NIPAL3: variants seen among roughly 807,000 people sequenced by gnomAD.
The protein encoded by NIPAL3 is NIPA-like protein 3.
NIPAL3 carries 41 observed loss-of-function variants against 47.2 expected under a neutral mutation model. That is an observed-to-expected ratio of 0.87 (90% confidence interval 0.68 to 1.13). The LOEUF is 1.13. NIPAL3 is among the 50% of genes most tolerant of loss of function. The pLI, the probability that NIPAL3 is intolerant of heterozygous loss-of-function variation, is 0.00. For missense variants in NIPAL3, 449 were observed against 530.1 expected (o/e 0.85, Z 1.50); for synonymous variants, 194 against 209.6 (o/e 0.93, Z 0.64).
chr1:24,459,130 G>A lies in NIPAL3; in HGVS notation c.862+154G>A, dbSNP rs192229757. On this transcript the variant is annotated intron_variant, in intron 9 of 11. Transcript: ENST00000374399. ...GCAGGATTTCCAGACAGAGAGACCC[G>A]GGTTTGTATCCCAGCACAGACGCAC... Among the ~76,000 whole-genome samples the A allele has an allele frequency of 1.5e-3, 221 of 152,250 alleles. 1 individual carries two copies. The highest frequency in any genetic ancestry group is 5.0e-3 in the African/African-American group (209 of 41,542).
At chr1:24,420,573 T>G (rs761041055) in intron 2 of NIPAL3, among the ~76,000 whole-genome samples, 6 of 152,232 alleles carry the variant, frequency 3.9e-5, no homozygotes, top group African/African-American at 7.2e-5. Context: ...GAGATAATTT[T>G]CATTCGGATT....
In NIPAL3 at chr1:24,419,603, G is replaced by C. The variant is rs1217266571; in HGVS notation, c.56G>C (p.Ser19Thr). ...CTGCAGCAGCTGCCTCCCACAAGTA[G>C]CTCCAGCGCCGTAAGCGAGGCCTCC... ...LKLQQLPPTSSSSAVSEASFS... is the reference protein window; with the variant it reads ...LKLQQLPPTSTSSAVSEASFS... Residue 19 changes from serine (S) to threonine (T), a missense_variant, in exon 2 of 12, where the codon AGC becomes ACC. By Grantham distance (58) the Ser-to-Thr change is moderately conservative. Transcript: ENST00000374399. 1 of 1,614,102 alleles carries C rather than the reference G, an allele frequency of 6.2e-7. No homozygotes were observed. Among genetic ancestry groups the C allele is most frequent in the Non-Finnish European group, 8.5e-7 (1 of 1,180,000 alleles).
At chr1:24,417,027 ACCT>A (rs1169198132) in intron 1 of NIPAL3, 1 of 152,062 alleles carries the variant, frequency 6.6e-6, no homozygotes, top group Non-Finnish European at 1.5e-5. Flanking sequence ...GCTTTCTCTG[ACCT>A]CCTGTGGGTG....
chr1:24,446,916 C>T (rs1645696803), intron 5 of NIPAL3, among the ~76,000 whole-genome samples: 1 of 152,150 alleles, frequency 6.6e-6, no homozygotes, highest in Non-Finnish European at 1.5e-5. Context: ...CCAGGTGATA[C>T]TAAGGAGATT....
Position 24,419,489 on chromosome 1 carries a change from C to A in NIPAL3, c.-59C>A. On this transcript the variant is annotated 5_prime_UTR_variant, in exon 2 of 12. Coordinates refer to ENST00000374399, the MANE Select transcript of NIPAL3 (RefSeq NM_020448.5). ...GAGAGATGGCATCTGGCCTGGGCCC[C>A]GCCTAGCAGCAGCTCCACCTCCTAG... 14 of 1,504,278 alleles carry A rather than the reference C, an allele frequency of 9.3e-6. No homozygotes were observed. Among genetic ancestry groups the A allele is most frequent in the Non-Finnish European group, 1.2e-5 (14 of 1,123,242 alleles). The allele number at this position is 1,504,278 out of a possible 1,614,324, so 93.2% of individuals were successfully genotyped here.
chr1:24,445,796 T>C (rs952513024), intron 5 of NIPAL3, among the ~76,000 whole-genome samples: 3 of 152,086 alleles, frequency 2.0e-5, no homozygotes, highest in Non-Finnish European at 4.4e-5. Flanking sequence ...TTGCCTCACA[T>C]AGTTTGGGCC....
upstream of NIPAL3, chr1:24,415,773 G>T (rs6666172): frequency 5.4e-3 from 5,035 of 933,956 alleles, 195 homozygotes; most frequent in African/African-American, 0.082. Context: ...ACCTTTGAAA[G>T]CAAAACACTG....
chr1:24,457,057 T>C (rs921364187), intron 8 of NIPAL3, among the ~76,000 whole-genome samples: 3 of 152,154 alleles, frequency 2.0e-5, no homozygotes, highest in African/African-American at 7.2e-5. Context: ...CCACAACACC[T>C]GGCCAGAATG....
In NIPAL3 at chr1:24,443,173, C is replaced by A. The variant is rs1469955699; in HGVS notation, c.334+947C>A. 8.5e-5 allele frequency among the ~76,000 whole-genome samples: 13 copies of A among 152,066 alleles called. No homozygotes were observed. In the East Asian group the frequency reaches 2.3e-3, roughly 27 times the overall value. ...AACCAGTGTTTCAGAACATTTGAACCAACTAAAAGACAAGGGAGCTTTAAT... is the reference window on the plus strand; with the variant it reads ...AACCAGTGTTTCAGAACATTTGAACAAACTAAAAGACAAGGGAGCTTTAAT... On this transcript the variant is annotated intron_variant, in intron 4 of 11. Coordinates refer to ENST00000374399, the MANE Select transcript of NIPAL3 (RefSeq NM_020448.5).
At chr1:24,438,269 A>C (rs1252511772) in intron 2 of NIPAL3, among the ~76,000 whole-genome samples, 1 of 152,230 alleles carries the variant, frequency 6.6e-6, no homozygotes, top group Non-Finnish European at 1.5e-5. Flanking sequence ...AGTCAGAATC[A>C]GTTCCCAGCT....
chr1:24,427,818 A>G (rs1170333621), intron 2 of NIPAL3, among the ~76,000 whole-genome samples: 3 of 152,192 alleles, frequency 2.0e-5, no homozygotes, highest in Non-Finnish European at 2.9e-5. Context: ...TCAGAAAACC[A>G]TACCTGAAAA....
At chr1:24,459,863 G>T (rs1646390233) in intron 9 of NIPAL3, among the ~76,000 whole-genome samples, 2 of 152,218 alleles carry the variant, frequency 1.3e-5, no homozygotes, top group Admixed American at 1.3e-4. Context: ...AGAAGTCAAG[G>T]CAGGGAATCA....
intron 2 of NIPAL3, among the ~76,000 whole-genome samples, chr1:24,439,480 CATT>C (rs1206745384): frequency 5.9e-5 from 9 of 152,014 alleles, no homozygotes; most frequent in African/African-American, 2.2e-4. Context: ...TGTTTATAGT[CATT>C]ATCTCTGGGT....
intron 2 of NIPAL3, among the ~76,000 whole-genome samples, chr1:24,431,332 C>T (rs562482268): frequency 2.0e-5 from 3 of 152,038 alleles, no homozygotes; most frequent in African/African-American, 4.8e-5. Flanking sequence ...TTTGATCAAA[C>T]GGGAAAAAAC....
intron 8 of NIPAL3, among the ~76,000 whole-genome samples, chr1:24,458,578 G>C (rs1042819527): frequency 1.3e-5 from 2 of 151,938 alleles, no homozygotes; most frequent in Admixed American, 6.6e-5. Context: ...GTGGGGATAC[G>C]GGGGGTGAGG....
Position 24,416,827 on chromosome 1 carries a change from C to T in NIPAL3, c.-258+923C>T, listed in dbSNP as rs1368415868. 1.3e-5 allele frequency: 2 copies of T among 152,226 alleles called. No homozygotes were observed. The highest frequency in any genetic ancestry group is 6.5e-5 in the Admixed American group (1 of 15,278). 9.4% of individuals were successfully genotyped at this position (152,226 alleles called of 1,614,324 possible). ...GAGCCTTCAATCTTTGCAGGCGATG[C>T]TTCAGAGGCCTGCGAGTTCCTGAGG... On this transcript the variant is annotated intron_variant, in intron 1 of 11. Transcript: ENST00000374399. This position sits in a 1 kb window ranked among gnomAD's most constrained non-coding sequence, Gnocchi z 4.8.
intron 2 of NIPAL3, chr1:24,432,954 A>T (rs1374164941): frequency 6.6e-6 from 1 of 152,232 alleles, no homozygotes; most frequent in African/African-American, 2.4e-5. Flanking sequence ...CCTATTGTTA[A>T]TGATGGATGA....
intron 1 of NIPAL3, among the ~76,000 whole-genome samples, chr1:24,419,006 G>C (rs548915003): frequency 4.6e-5 from 7 of 151,498 alleles, no homozygotes; most frequent in African/African-American, 1.7e-4. Context: ...ATTTAAGTTA[G>C]GGTGCGATGG....
intron 2 of NIPAL3, among the ~76,000 whole-genome samples, chr1:24,421,176 C>T (rs1014800514): frequency 6.6e-6 from 1 of 151,744 alleles, no homozygotes; most frequent in African/African-American, 2.4e-5. Flanking sequence ...AAAAATTAGC[C>T]AGGTGTGGTA....
Sources: gnomAD v4.1 joint callset for allele counts (sites outside exome capture counted in the v4.1 genomes callset) on GRCh38, gnomAD v4.1.1 for gene constraint, Gnocchi (gnomAD v3.1) non-coding constraint, MANE v1.5 for transcripts, NCBI Gene and HGNC (gene_info 2026-07-23, HGNC 2026-07-21) for gene names.